Variants in ASAP1 observed in about 807,000 individuals in gnomAD.
ASAP1 encodes the protein ArfGAP with SH3 domain, ankyrin repeat and PH domain 1.
Under a neutral mutation model 145.2 loss-of-function variants are expected in ASAP1, and 43 were observed. The ratio of observed to expected loss-of-function variants is 0.30; its 90% CI spans 0.23 to 0.38. The LOEUF is 0.38. Ranked by LOEUF, ASAP1 falls within the 10% of genes least tolerant of loss-of-function variation. The probability of loss-of-function intolerance (pLI) is 1.00; values close to 1 mark genes in which losing one functional copy is unlikely to be tolerated. For synonymous variants in ASAP1, 546 were observed against 515.5 expected (o/e 1.06, Z -0.80); for missense variants, 1,018 against 1,355.3 (o/e 0.75, Z 3.91).
chr8:130,353,556 T>C (rs1287388227), intron 3 of ASAP1, among the ~76,000 whole-genome samples: 1 of 152,224 alleles, frequency 6.6e-6, no homozygotes, highest in Non-Finnish European at 1.5e-5. Flanking sequence ...ACCTATTTTA[T>C]GTCTCAACTG....
intron 2 of ASAP1, among the ~76,000 whole-genome samples, chr8:130,398,606 G>C (rs1181876610): frequency 3.9e-5 from 6 of 152,150 alleles, no homozygotes; most frequent in Non-Finnish European, 8.8e-5. Flanking sequence ...AGAAGTACTA[G>C]AGAGATACTA....
chr8:130,357,174 A>G (rs572270292), intron 3 of ASAP1, among the ~76,000 whole-genome samples: 32 of 152,328 alleles, frequency 2.1e-4, no homozygotes, highest in Non-Finnish European at 3.7e-4. Flanking sequence ...AAAATCCTAA[A>G]GAAAATCGAT....
intron 25 of ASAP1, chr8:130,084,538 G>A (rs1177811775): frequency 2.0e-5 from 3 of 152,222 alleles, no homozygotes; most frequent in Non-Finnish European, 4.4e-5. Flanking sequence ...CAGGAGAAGA[G>A]TTTGTGGAAA....
intron 2 of ASAP1, among the ~76,000 whole-genome samples, chr8:130,370,588 A>T (rs1043245513): frequency 6.6e-6 from 1 of 152,236 alleles, no homozygotes; most frequent in African/African-American, 2.4e-5. Context: ...TGCACATAAA[A>T]CCTTGTACAC....
chr8:130,113,269 T>C (rs745502577), intron 23 of ASAP1, among the ~76,000 whole-genome samples: 1 of 152,114 alleles, frequency 6.6e-6, no homozygotes, highest in Non-Finnish European at 1.5e-5. Context: ...TCACACACAG[T>C]GCTTCTCTCC....
intron 1 of ASAP1, among the ~76,000 whole-genome samples, chr8:130,423,600 T>C (rs1214593654): frequency 1.3e-5 from 2 of 152,232 alleles, no homozygotes; most frequent in Non-Finnish European, 1.5e-5. Flanking sequence ...AAAATGATCA[T>C]GTAAATCTAT....
chr8:130,299,561 T>A (rs889914954), intron 3 of ASAP1, among the ~76,000 whole-genome samples: 1 of 152,214 alleles, frequency 6.6e-6, no homozygotes, highest in African/African-American at 2.4e-5. Context: ...GATATACATG[T>A]TTAGTTGCTA....
chr8:130,347,182 C>T (rs1259274357), intron 3 of ASAP1, among the ~76,000 whole-genome samples: 2 of 152,224 alleles, frequency 1.3e-5, no homozygotes, highest in South Asian at 2.1e-4. Flanking sequence ...GAGCACCATG[C>T]CATCACTTTG....
chr8:130,298,565 A>C (rs1822429417), intron 3 of ASAP1, among the ~76,000 whole-genome samples: 1 of 152,206 alleles, frequency 6.6e-6, no homozygotes, highest in South Asian at 2.1e-4. Flanking sequence ...CTAAAAAGCA[A>C]ATCAGAGCAT....
At chr8:130,267,613 T>C (rs1459462219) in intron 3 of ASAP1, among the ~76,000 whole-genome samples, 1 of 152,214 alleles carries the variant, frequency 6.6e-6, no homozygotes, top group Non-Finnish European at 1.5e-5. Flanking sequence ...CCCCTCTCCC[T>C]TGATAAAAAT....
rs2097548118 is a variant in ASAP1, at chr8:130,112,249, T to C, written c.2246A>G (p.Asp749Gly). ...FCHSSSISPQ[D>G]KLALPGFSTP... is the part of the protein sequence containing the mutation. Reference sequence around the variant, plus strand: ...GCTGAATCCTGGCAGTGCCAGCTTGTCCTGGGGGGAGATGCTGGAGGAGTG... The same window carrying C: ...GCTGAATCCTGGCAGTGCCAGCTTGCCCTGGGGGGAGATGCTGGAGGAGTG... Residue 749 changes from aspartate to glycine, a missense_variant, in exon 24 of 30, where the codon GAC becomes GGC. Transcript: ENST00000518721. 4 of 1,614,084 alleles carry C rather than the reference T, an allele frequency of 2.5e-6. No homozygotes were observed. Among genetic ancestry groups the C allele is most frequent in the South Asian group, 2.2e-5 (2 of 91,086 alleles).
chr8:130,380,805 A>G (rs1827731441), intron 2 of ASAP1, among the ~76,000 whole-genome samples: 1 of 152,074 alleles, frequency 6.6e-6, no homozygotes, highest in African/African-American at 2.4e-5. Flanking sequence ...TGCAGCCTCA[A>G]CCTCCTGGGC....
intron 4 of ASAP1, among the ~76,000 whole-genome samples, chr8:130,227,454 TGC>T (rs1817651191): frequency 6.6e-6 from 1 of 151,894 alleles, no homozygotes; most frequent in African/African-American, 2.4e-5. Flanking sequence ...GATGGGGTTT[TGC>T]CATGTTGCCC....
intron 14 of ASAP1, 64 bp from the exon 15 acceptor site, chr8:130,134,408 C>G: frequency 9.5e-7 from 1 of 1,048,936 alleles, no homozygotes. Flanking sequence ...AGGTACAACA[C>G]AGATTTAAGT....
At chr8:130,072,790 G>GGGGTGTGTGTGTGTGTGTGTGT (rs142924621) in intron 27 of ASAP1, among the ~76,000 whole-genome samples, 1 of 66,052 alleles carries the variant, frequency 1.5e-5, no homozygotes, top group African/African-American at 6.2e-5. Flanking sequence ...ACTTGCAATT[G>GGGGTGTGTGTGTGTGTGTGTGT]ATATGTGTGT....
intron 3 of ASAP1, among the ~76,000 whole-genome samples, chr8:130,322,303 T>TA (rs5895042): frequency 0.019 from 2,742 of 147,256 alleles, 46 homozygotes; most frequent in African/African-American, 0.046. Context: ...CATCTGTGGT[T>TA]AAAAAAAAAA....
intron 12 of ASAP1, among the ~76,000 whole-genome samples, chr8:130,156,471 T>C (rs188144094): frequency 7.2e-5 from 11 of 152,372 alleles, no homozygotes; most frequent in African/African-American, 2.6e-4. Context: ...ATCTCATTTA[T>C]GTTTTACCTC....
chr8:130,153,024 AT>A (rs1211735485), intron 12 of ASAP1, among the ~76,000 whole-genome samples: 4 of 149,134 alleles, frequency 2.7e-5, no homozygotes, highest in Admixed American at 6.7e-5. Context: ...CTGCTTTTTA[AT>A]TTTTTTTTTG....
chr8:130,363,006 C>T (rs111442735), intron 2 of ASAP1, among the ~76,000 whole-genome samples: 3,054 of 152,210 alleles, frequency 0.02, 99 homozygotes, highest in African/African-American at 0.068. Flanking sequence ...GATAGGCTCC[C>T]GTCTCTGCCA....
Sources: allele counts gnomAD v4.1 joint callset (sites outside exome capture counted in the v4.1 genomes callset), GRCh38; gene constraint gnomAD v4.1.1; transcripts MANE v1.5; gene names NCBI Gene and HGNC (gene_info 2026-07-23, HGNC 2026-07-21).